CTNNA3: variants seen among roughly 807,000 people sequenced by gnomAD.
The protein encoded by CTNNA3 is catenin alpha-3.
CTNNA3 carries 76 observed loss-of-function variants against 95.7 expected under a neutral mutation model. That is an observed-to-expected ratio of 0.79 (90% CI 0.66 to 0.96). The LOEUF (loss-of-function observed/expected upper bound fraction) is 0.96, where lower values mean the gene tolerates loss of function less well. Ranked by LOEUF, CTNNA3 falls within the 40% of genes least tolerant of loss-of-function variation. The pLI, the probability that CTNNA3 is intolerant of heterozygous loss-of-function variation, is 0.00. For missense variants in CTNNA3, 1,191 were observed against 1,089.8 expected (o/e 1.09, Z -1.31); for synonymous variants, 431 against 374.4 (o/e 1.15, Z -1.74).
chr10:67,674,624 C>T (rs377054716), intron 1 of CTNNA3, among the ~76,000 whole-genome samples: 5 of 152,164 alleles, frequency 3.3e-5, no homozygotes, highest in African/African-American at 1.2e-4. Flanking sequence ...TTTTAACTCC[C>T]ATCAACATGG....
intron 1 of CTNNA3, among the ~76,000 whole-genome samples, chr10:67,684,518 C>A (rs571932640): frequency 6.6e-6 from 1 of 152,188 alleles, no homozygotes; most frequent in South Asian, 2.1e-4. Flanking sequence ...ATCTCTCAAT[C>A]CCCCCTCTAA....
intron 14 of CTNNA3, chr10:66,097,875 C>T (rs1401293636): frequency 1.3e-5 from 2 of 152,032 alleles, no homozygotes; most frequent in African/African-American, 4.8e-5. Flanking sequence ...ATCACACAGG[C>T]CAATGTGATG....
intron 13 of CTNNA3, among the ~76,000 whole-genome samples, chr10:66,180,646 G>A (rs554762487): frequency 1.9e-4 from 29 of 152,154 alleles, no homozygotes; most frequent in African/African-American, 5.3e-4. Context: ...TTTGCCATAC[G>A]CCCTGGGAAA....
At chr10:66,681,490 A>T (rs1043565920) in intron 9 of CTNNA3, among the ~76,000 whole-genome samples, 1 of 152,194 alleles carries the variant, frequency 6.6e-6, no homozygotes, top group African/African-American at 2.4e-5. Context: ...AGGTGGTCTG[A>T]AAATGAATTT....
intron 5 of CTNNA3, among the ~76,000 whole-genome samples, chr10:67,485,274 T>G (rs1226385741): frequency 6.6e-6 from 1 of 152,134 alleles, no homozygotes; most frequent in Non-Finnish European, 1.5e-5. Context: ...CATTGGATAC[T>G]CATGGGCATA....
chr10:66,431,863 G>A (rs1057349932), intron 11 of CTNNA3, among the ~76,000 whole-genome samples: 8 of 151,974 alleles, frequency 5.3e-5, no homozygotes, highest in Non-Finnish European at 8.8e-5. Flanking sequence ...AAACCTGCAC[G>A]TTGTGCACAT....
chr10:66,065,519 C>G (rs2080296333), intron 15 of CTNNA3, among the ~76,000 whole-genome samples: 1 of 152,064 alleles, frequency 6.6e-6, no homozygotes, highest in Admixed American at 6.6e-5. Context: ...AAGCAAAAGT[C>G]AACAACAAAT....
intron 7 of CTNNA3, among the ~76,000 whole-genome samples, chr10:66,997,052 T>A (rs569314572): frequency 1.3e-5 from 2 of 152,204 alleles, no homozygotes; most frequent in Non-Finnish European, 2.9e-5. Context: ...ATATTAATAC[T>A]AACAGAGAGT....
chr10:66,322,586 G>A (rs2092204249), intron 12 of CTNNA3, among the ~76,000 whole-genome samples: 1 of 152,030 alleles, frequency 6.6e-6, no homozygotes, highest in African/African-American at 2.4e-5. Flanking sequence ...TGGCTGAGCT[G>A]TAAATGCAGA....
Position 67,287,422 on chromosome 10 carries a change from A to G in CTNNA3, c.580-67552T>C, listed in dbSNP as rs141900024. Among the ~76,000 whole-genome samples the G allele has an allele frequency of 3.8e-4, 58 of 152,318 alleles. No homozygotes were observed. The East Asian group carries it at 0.01, about 27-fold the overall frequency. On this transcript the variant is annotated intron_variant, in intron 5 of 17. Transcript: ENST00000433211. ...TTCCAGACTAGTCAATGGTTTTGCC[A>G]TCACTTTCGTGCAAATATTTTCTAA...
At chr10:67,685,374 T>C (rs948132895) in intron 1 of CTNNA3, among the ~76,000 whole-genome samples, 2 of 152,246 alleles carry the variant, frequency 1.3e-5, no homozygotes, top group African/African-American at 4.8e-5. Context: ...TATTAGGCAA[T>C]TTTCCTAACT....
intron 7 of CTNNA3, among the ~76,000 whole-genome samples, chr10:66,964,853 A>G (rs1470787049): frequency 6.6e-6 from 1 of 152,206 alleles, no homozygotes; most frequent in African/African-American, 2.4e-5. Flanking sequence ...CTCACAGAAA[A>G]GTCAAGTTCA....
chr10:67,459,568 G>A (rs546694806), intron 5 of CTNNA3, among the ~76,000 whole-genome samples: 1 of 152,188 alleles, frequency 6.6e-6, no homozygotes, highest in South Asian at 2.1e-4. Flanking sequence ...TAACACTTCT[G>A]TTGGACATGA....
chr10:66,525,764 C>T (rs1385334896), intron 10 of CTNNA3, among the ~76,000 whole-genome samples: 1 of 152,144 alleles, frequency 6.6e-6, no homozygotes, highest in East Asian at 1.9e-4. Flanking sequence ...AACTTTTTAG[C>T]ACATCAAACT....
intron 1 of CTNNA3, among the ~76,000 whole-genome samples, chr10:67,687,147 G>A (rs1170706713): frequency 6.6e-6 from 1 of 152,192 alleles, no homozygotes; most frequent in Non-Finnish European, 1.5e-5. Context: ...GATTAACACT[G>A]AGAAGGCCAT....
chr10:66,996,837 A>G (rs1851380224), intron 7 of CTNNA3, among the ~76,000 whole-genome samples: 1 of 152,072 alleles, frequency 6.6e-6, no homozygotes, highest in African/African-American at 2.4e-5. Context: ...TAAACACAGT[A>G]ATTCTAAACA....
chr10:66,539,885 T>G (rs1290656708), intron 10 of CTNNA3, among the ~76,000 whole-genome samples: 1 of 152,118 alleles, frequency 6.6e-6, no homozygotes, highest in East Asian at 1.9e-4. Flanking sequence ...CATAGGCACA[T>G]TAAATATTTA....
At chr10:67,624,499 T>C (rs1302706333) in intron 2 of CTNNA3, among the ~76,000 whole-genome samples, 1 of 152,210 alleles carries the variant, frequency 6.6e-6, no homozygotes, top group Non-Finnish European at 1.5e-5. Context: ...CGTTGGGTTA[T>C]GAGGTAATCA....
intron 8 of CTNNA3, among the ~76,000 whole-genome samples, chr10:66,774,109 G>A (rs2132817077): frequency 6.6e-6 from 1 of 152,218 alleles, no homozygotes; most frequent in South Asian, 2.1e-4. Flanking sequence ...AAAACCTTTA[G>A]AAGTATAAAT....
Sources: allele counts gnomAD v4.1 joint callset (sites outside exome capture counted in the v4.1 genomes callset), GRCh38; gene constraint gnomAD v4.1.1; transcripts MANE v1.5; gene names NCBI Gene and HGNC (gene_info 2026-07-23, HGNC 2026-07-21).